EPB41L1: variants seen among roughly 807,000 people sequenced by gnomAD.
EPB41L1 encodes the protein erythrocyte membrane protein band 4.1 like 1.
EPB41L1 carries 29 observed loss-of-function variants against 97.8 expected under a neutral mutation model. The observed-to-expected ratio is 0.30, with a 90% CI of 0.22 to 0.40. The LOEUF (loss-of-function observed/expected upper bound fraction) is 0.40. EPB41L1 is among the 10% of genes least tolerant of loss of function. EPB41L1 has a pLI of 1.00. For synonymous variants in EPB41L1, 383 were observed against 459.2 expected (o/e 0.83, Z 2.12); for missense variants, 812 against 1,162.3 (o/e 0.70, Z 4.38).
chr20:36,154,620 G>A (rs2060205043), upstream of EPB41L1: 1 of 929,320 alleles, frequency 1.1e-6, no homozygotes, highest in Non-Finnish European at 1.3e-6. The surrounding 1 kb of genome is among the most constrained non-coding windows in gnomAD (Gnocchi z 5.5). Flanking sequence ...CCCTGGGCTG[G>A]GCTCCGAGGC....
At chr20:36,155,008 G>T in intron 1 of EPB41L1, 112 bp downstream of exon 1, 1 of 1,013,800 alleles carries the variant, frequency 9.9e-7, no homozygotes, top group Non-Finnish European at 1.3e-6. Flanking sequence ...GAGTTTTCAG[G>T]CTGTTGGTCC....
intron 1 of EPB41L1, among the ~76,000 whole-genome samples, chr20:36,158,635 C>T (rs1014657205): frequency 1.3e-5 from 2 of 152,164 alleles, no homozygotes; most frequent in African/African-American, 4.8e-5. Context: ...ATCCACCAGA[C>T]GTAGGCTATA....
chr20:36,132,573 G>A (rs936697679), intron 2 of EPB41L1, among the ~76,000 whole-genome samples: 3 of 79,034 alleles, frequency 3.8e-5, no homozygotes, highest in Non-Finnish European at 5.0e-5. Context: ...TGGGCGGGGG[G>A]GGGGGGCGCA....
In EPB41L1 at chr20:36,212,372, C is replaced by G. The variant is rs766043445; in HGVS notation, c.2180C>G (p.Thr727Ser). 2.2e-5 allele frequency: 35 copies of G among 1,613,804 alleles called. No homozygotes were observed. In the South Asian group the frequency reaches 3.3e-4, roughly 15 times the overall value. The change falls in exon 16 of 22, where the codon ACC becomes AGC. Residue 727 changes from threonine to serine, a missense_variant. This residue lies in a region of EPB41L1 where 498 missense variants were observed against 622.7 expected (regional missense o/e 0.80). Transcript: ENST00000338074. This position sits in a 1 kb window ranked among gnomAD's most constrained non-coding sequence, Gnocchi z 4.8. Reference sequence around the variant, plus strand: ...ACCAGAGTCTCCGCTATGGATAACACCCAGGTAACTTGTGCCTTCCAATGT... The same window carrying G: ...ACCAGAGTCTCCGCTATGGATAACAGCCAGGTAACTTGTGCCTTCCAATGT... ...LQTRVSAMDN[T>S]QQVDGSASVG...
Position 36,190,849 on chromosome 20 carries a change from G to A in EPB41L1, c.1300+52G>A. On this transcript the variant is annotated intron_variant, in intron 11 of 21. Transcript: ENST00000338074. The surrounding 1 kb of genome is among the most constrained non-coding windows in gnomAD (Gnocchi z 5.8). Reference sequence around the variant, plus strand: ...GGGGAATGGTCTTCAGAGGGAACTGGGGGAGTGGGCATGCTGGGTTCTGCA... The same window carrying A: ...GGGGAATGGTCTTCAGAGGGAACTGAGGGAGTGGGCATGCTGGGTTCTGCA... 1 of 1,602,850 alleles carries A rather than the reference G, an allele frequency of 6.2e-7. No individual in the cohort carries two copies. The highest frequency in any genetic ancestry group is 2.2e-5 in the East Asian group (1 of 44,780).
At chr20:36,175,817 C>G (rs1272772428) in intron 3 of EPB41L1, 102 bp downstream of exon 3, 1 of 1,248,446 alleles carries the variant, frequency 8.0e-7, no homozygotes, top group Non-Finnish European at 1.2e-6. Context: ...CCAGAGGAGT[C>G]CTGGACCAGT....
intron 16 of EPB41L1, among the ~76,000 whole-genome samples, chr20:36,213,048 C>A (rs2063223003): frequency 2.0e-5 from 3 of 152,104 alleles, no homozygotes; most frequent in African/African-American, 7.2e-5. Context: ...TTTTTCCTGG[C>A]CAGAAGAGCT....
At chr20:36,136,979 AAT>A (rs2059441198) in intron 2 of EPB41L1, among the ~76,000 whole-genome samples, 1 of 152,142 alleles carries the variant, frequency 6.6e-6, no homozygotes, top group African/African-American at 2.4e-5. Flanking sequence ...CCCAGGCTCA[AAT>A]GGTCCTCCCA....
chr20:36,220,199 G>T (rs1346290629), intron 19 of EPB41L1, among the ~76,000 whole-genome samples: 2 of 152,266 alleles, frequency 1.3e-5, no homozygotes, highest in Non-Finnish European at 2.9e-5. Context: ...TAGGGACTGA[G>T]TAGAGTCTTG....
intron 12 of EPB41L1, among the ~76,000 whole-genome samples, chr20:36,194,735 G>A (rs2062110265): frequency 6.6e-6 from 1 of 152,152 alleles, no homozygotes; most frequent in Non-Finnish European, 1.5e-5. Context: ...AACAGCTCTA[G>A]GAGTGTGAGG....
intron 19 of EPB41L1, 56 bp from the exon 20 acceptor site, chr20:36,221,808 G>C: frequency 6.6e-7 from 1 of 1,524,664 alleles, no homozygotes; most frequent in African/African-American, 1.4e-5. Context: ...GTCCCCTCTT[G>C]AGGCTGCTGC....
At chr20:36,102,006 AAAAACAAAAC>A (rs202030350) in intron 1 of EPB41L1, among the ~76,000 whole-genome samples, 16 of 137,660 alleles carry the variant, frequency 1.2e-4, no homozygotes, top group South Asian at 4.8e-4. Flanking sequence ...CTCTGTCTCA[AAAAACAAAAC>A]AAAACAAAAC....
At chr20:36,117,116 T>C (rs1164836811) in intron 2 of EPB41L1, among the ~76,000 whole-genome samples, 1 of 152,196 alleles carries the variant, frequency 6.6e-6, no homozygotes, top group Non-Finnish European at 1.5e-5. Context: ...TTCCCTCCCC[T>C]GCTCTTGCCC....
At chr20:36,136,464 G>A (rs1203710297) in intron 2 of EPB41L1, among the ~76,000 whole-genome samples, 1 of 151,410 alleles carries the variant, frequency 6.6e-6, no homozygotes, top group East Asian at 1.9e-4. Context: ...ATAGGTGTGA[G>A]TCACCATGCC....
In EPB41L1 at chr20:36,229,583, C is replaced by T. The variant is rs1049176761; in HGVS notation, c.*243C>T. On this transcript the variant is annotated 3_prime_UTR_variant, in exon 22 of 22. Transcript: ENST00000338074. ...TGGCAGAGCAGTTGGCTGACAGCAA[C>T]AACCGACATCTGAACACCTACATTT... 2.5e-6 allele frequency: 1 copy of T among 399,794 alleles called. No individual in the cohort carries two copies. 24.8% of individuals were successfully genotyped at this position (399,794 alleles called of 1,614,324 possible).
Position 36,230,664 on chromosome 20 carries a change from T to G in EPB41L1, c.*1324T>G, listed in dbSNP as rs2147259444. 1 of 152,300 alleles carries G rather than the reference T, an allele frequency of 6.6e-6. No homozygotes were observed. The highest frequency in any genetic ancestry group is 1.5e-5 in the Non-Finnish European group (1 of 68,060). 9.4% of individuals were successfully genotyped at this position (152,300 alleles called of 1,614,324 possible). A position where few individuals can be genotyped will look rare whatever the true frequency, so the allele number is the denominator to read the frequency against. On this transcript the variant is annotated 3_prime_UTR_variant, in exon 22 of 22. Transcript: ENST00000338074. ...GCCTGGTCTGTGCTCAGGTACTGGG[T>G]CCCAGTCTGGGACTCTGCTGCTGAA...
chr20:36,106,905 C>T (rs949866739), intron 1 of EPB41L1, among the ~76,000 whole-genome samples: 6 of 152,122 alleles, frequency 3.9e-5, no homozygotes, highest in Non-Finnish European at 7.3e-5. Flanking sequence ...CAGGCTCAAG[C>T]GATTCTCCTT....
intron 2 of EPB41L1, among the ~76,000 whole-genome samples, chr20:36,123,019 GT>G (rs2058809538): frequency 6.6e-6 from 1 of 151,974 alleles, no homozygotes. Context: ...CCATGGGAAA[GT>G]TTTCTTTCTA....
At chr20:36,198,352 G>GC (rs1006364270) in intron 14 of EPB41L1, among the ~76,000 whole-genome samples, 5 of 152,210 alleles carry the variant, frequency 3.3e-5, no homozygotes, top group African/African-American at 9.7e-5. Context: ...CAGGGCCCCA[G>GC]CCCAGACCTA....
Sources: gnomAD v4.1 joint callset for allele counts (sites outside exome capture counted in the v4.1 genomes callset) on GRCh38, gnomAD v4.1.1 for gene constraint, gnomAD v4.1.1 regional missense constraint, Gnocchi (gnomAD v3.1) non-coding constraint, MANE v1.5 for transcripts, NCBI Gene and HGNC (gene_info 2026-07-23, HGNC 2026-07-21) for gene names.